PDE4D: variants seen among roughly 807,000 people sequenced by gnomAD.
The protein encoded by PDE4D is phosphodiesterase 4D, also known as 3',5'-cyclic-AMP phosphodiesterase 4D.
A neutral mutation model predicts 87.4 loss-of-function variants in PDE4D; 24 were observed. That is an observed-to-expected ratio of 0.27 (90% CI 0.20 to 0.39). The LOEUF (loss-of-function observed/expected upper bound fraction) is 0.39. Among genes scored for constraint, PDE4D ranks in the 10% least tolerant of loss-of-function variants. The pLI is 1.00. For synonymous variants in PDE4D, 384 were observed against 383.2 expected (o/e 1.00, Z -0.02); for missense variants, 714 against 1,041.0 (o/e 0.69, Z 4.32).
chr5:59,700,842 T>C (rs556142673), intron 1 of PDE4D, among the ~76,000 whole-genome samples: 105 of 152,306 alleles, frequency 6.9e-4, no homozygotes, highest in African/African-American at 2.5e-3. Flanking sequence ...TCCCGTAGAA[T>C]CACAAAGCTA....
At chr5:59,341,782 A>C (rs1030641955) in intron 1 of PDE4D, among the ~76,000 whole-genome samples, 3 of 152,176 alleles carry the variant, frequency 2.0e-5, no homozygotes, top group African/African-American at 7.2e-5. Flanking sequence ...AGAAAAGCAT[A>C]AAATCAGTCT....
At chr5:59,938,601 C>A (rs1464382219) in intron 3 of PDE4D, among the ~76,000 whole-genome samples, 1 of 152,174 alleles carries the variant, frequency 6.6e-6, no homozygotes, top group African/African-American at 2.4e-5. Context: ...CCACTCTAAT[C>A]ATCTCCTCTG....
At chr5:59,340,186 G>A (rs1313553603) in intron 1 of PDE4D, among the ~76,000 whole-genome samples, 3 of 152,038 alleles carry the variant, frequency 2.0e-5, no homozygotes, top group Admixed American at 1.3e-4. Flanking sequence ...CATAAAATTT[G>A]ATCTCATTTA....
intron 1 of PDE4D, among the ~76,000 whole-genome samples, chr5:60,352,811 T>C (rs1377851225): frequency 6.6e-6 from 1 of 152,198 alleles, no homozygotes; most frequent in Non-Finnish European, 1.5e-5. Context: ...GGAGTACGTG[T>C]AAATATTCTG....
chr5:60,212,734 A>C (rs1197851173), intron 1 of PDE4D, among the ~76,000 whole-genome samples: 1 of 152,232 alleles, frequency 6.6e-6, no homozygotes. Context: ...TGTGTCAATA[A>C]ATTCATTTTT....
At chr5:59,887,038 A>C (rs1384478992) in intron 1 of PDE4D, among the ~76,000 whole-genome samples, 1 of 152,150 alleles carries the variant, frequency 6.6e-6, no homozygotes, top group Non-Finnish European at 1.5e-5. Flanking sequence ...AGTGGCAAGG[A>C]AAAAACACAA....
chr5:59,319,098 T>C (rs1430427063), intron 1 of PDE4D, among the ~76,000 whole-genome samples: 1 of 151,992 alleles, frequency 6.6e-6, no homozygotes, highest in South Asian at 2.1e-4. Flanking sequence ...AAGCTCATCA[T>C]AGAGCTGTGT....
intron 2 of PDE4D, among the ~76,000 whole-genome samples, chr5:60,126,280 G>T (rs972979238): frequency 2.0e-5 from 3 of 151,026 alleles, no homozygotes; most frequent in Admixed American, 2.0e-4. Context: ...TTAAACCCGA[G>T]GTCATTAGCA....
intron 1 of PDE4D, among the ~76,000 whole-genome samples, chr5:59,706,583 C>G: frequency 6.6e-6 from 1 of 152,078 alleles, no homozygotes; most frequent in East Asian, 1.9e-4. Context: ...CATAAGTCTA[C>G]CCAAATGTGC....
At chr5:60,399,735 C>T (rs1740874244) in intron 1 of PDE4D, among the ~76,000 whole-genome samples, 1 of 152,266 alleles carries the variant, frequency 6.6e-6, no homozygotes, top group Non-Finnish European at 1.5e-5. Context: ...CGTGCCGGCC[C>T]CATGCCCAGT....
At chr5:59,328,779 G>A (rs1776179054) in intron 1 of PDE4D, among the ~76,000 whole-genome samples, 1 of 152,188 alleles carries the variant, frequency 6.6e-6, no homozygotes, top group Non-Finnish European at 1.5e-5. Flanking sequence ...ATTAAAAGTG[G>A]ACAATGAACT....
rs142908862 is a variant in PDE4D at position 59,183,088 on chromosome 5, G to A, written c.758+2101C>T. ...TTCTCCCAGGGTCATCATGTGATGA[G>A]GCAGAGTTACAGCACTTTGTTCTCA... On this transcript the variant is annotated intron_variant, in intron 4 of 14. Transcript: ENST00000340635. 7.2e-5 allele frequency among the ~76,000 whole-genome samples: 11 copies of A among 152,340 alleles called. No individual in the cohort carries two copies. In the East Asian group the frequency reaches 2.1e-3, roughly 29 times the overall value.
intron 1 of PDE4D, among the ~76,000 whole-genome samples, chr5:59,625,218 T>C (rs1830758636): frequency 6.6e-6 from 1 of 152,134 alleles, no homozygotes; most frequent in African/African-American, 2.4e-5. Flanking sequence ...AGGGGAGGTC[T>C]TCCACGGCTG....
chr5:59,094,154 G>A (rs1042445911), intron 5 of PDE4D, among the ~76,000 whole-genome samples: 1 of 134,350 alleles, frequency 7.4e-6, no homozygotes, highest in Non-Finnish European at 1.5e-5. Context: ...GGAGGCAGAG[G>A]TTGCAGTGAG....
chr5:59,312,632 T>C (rs1370667514), intron 1 of PDE4D, among the ~76,000 whole-genome samples: 1 of 152,202 alleles, frequency 6.6e-6, no homozygotes, highest in Non-Finnish European at 1.5e-5. Flanking sequence ...CCTGAGGGAC[T>C]AGTCCTAAAG....
At chr5:59,345,991 T>G (rs1450951461) in intron 1 of PDE4D, among the ~76,000 whole-genome samples, 1 of 152,162 alleles carries the variant, frequency 6.6e-6, no homozygotes, top group Non-Finnish European at 1.5e-5. Flanking sequence ...AACACTAGAA[T>G]AAGTAAATTG....
At chr5:60,285,857 C>G (rs190428717) in intron 1 of PDE4D, among the ~76,000 whole-genome samples, 1 of 152,258 alleles carries the variant, frequency 6.6e-6, no homozygotes, top group Admixed American at 6.5e-5. Flanking sequence ...CAACGAAAAC[C>G]CAGCAGATCA....
At chr5:59,695,199 G>GA (rs35105874) in intron 1 of PDE4D, among the ~76,000 whole-genome samples, 42,671 of 145,362 alleles carry the variant, frequency 0.29, 6,254 homozygotes, top group African/African-American at 0.33. Flanking sequence ...CTGCATTTTT[G>GA]AAAAAAAAAA....
chr5:59,910,990 C>T (rs1437270010), intron 3 of PDE4D, among the ~76,000 whole-genome samples: 1 of 152,212 alleles, frequency 6.6e-6, no homozygotes, highest in Non-Finnish European at 1.5e-5. Flanking sequence ...TATGACCTAA[C>T]AGATTCCATC....
Sources: allele counts gnomAD v4.1 joint callset (sites outside exome capture counted in the v4.1 genomes callset), GRCh38; gene constraint gnomAD v4.1.1; transcripts MANE v1.5; gene names NCBI Gene and HGNC (gene_info 2026-07-23, HGNC 2026-07-21).